DIS3: variants seen among roughly 807,000 people sequenced by gnomAD.
DIS3 encodes DIS3 exosome endoribonuclease and 3'-5' exoribonuclease.
Under a neutral mutation model 113.0 loss-of-function variants are expected in DIS3, and 103 were observed. That is an observed-to-expected ratio of 0.91 (90% CI 0.78 to 1.07). The LOEUF is 1.07. Among genes scored for constraint, DIS3 ranks in the 50% least tolerant of loss-of-function variants. The pLI, the probability that DIS3 is intolerant of heterozygous loss-of-function variation, is 0.00. For missense variants in DIS3, 1,121 were observed against 1,167.1 expected (o/e 0.96, Z 0.58); for synonymous variants, 402 against 394.3 (o/e 1.02, Z -0.23).
In DIS3 at chr13:72,753,409, A is replaced by G. The variant is rs1010625798; in HGVS notation, c.*6386T>C. Reference sequence around the variant, plus strand: ...TTTTTGTCTACTAGGTACGATCACAAAATAACAGGAAAGCATTGTGTCAGT... The same window carrying G: ...TTTTTGTCTACTAGGTACGATCACAGAATAACAGGAAAGCATTGTGTCAGT... On this transcript the variant is annotated 3_prime_UTR_variant, in exon 21 of 21. Transcript: ENST00000377767. 1 of 244,990 alleles carries G rather than the reference A, an allele frequency of 4.1e-6. No individual in the cohort carries two copies. Among genetic ancestry groups the G allele is most frequent in the African/African-American group, 2.3e-5 (1 of 44,418 alleles). 15.2% of individuals were successfully genotyped at this position (244,990 alleles called of 1,614,324 possible).
intron 14 of DIS3, among the ~76,000 whole-genome samples, chr13:72,766,321 G>C (rs767897980): frequency 2.0e-5 from 3 of 152,196 alleles, no homozygotes; most frequent in Non-Finnish European, 4.4e-5. Flanking sequence ...CTGTGCTTCT[G>C]AGGGTTATAT....
intron 1 of DIS3, 154 bp downstream of exon 1, chr13:72,781,451 G>C: frequency 6.8e-7 from 1 of 1,468,182 alleles, no homozygotes; most frequent in South Asian, 1.3e-5. Context: ...AAAGAACCTC[G>C]GCCTGGGGAA....
Position 72,780,718 on chromosome 13 carries a change from T to A in DIS3, c.386+128A>T, listed in dbSNP as rs1183438004. 3 of 933,762 alleles carry A rather than the reference T, an allele frequency of 3.2e-6. No homozygotes were observed. In the African/African-American group the frequency reaches 5.0e-5, roughly 16 times the overall value. 57.8% of individuals were successfully genotyped at this position (933,762 alleles called of 1,614,324 possible). ...TAGCATTATCTTCTGCACAGCCATG[T>A]AAGAATTAAATAAGGTATGAAATCT... On this transcript the variant is annotated intron_variant, in intron 2 of 20. Coordinates refer to ENST00000377767, the MANE Select transcript of DIS3 (RefSeq NM_014953.5).
At position 72,759,578 on chromosome 13, in the gene DIS3, T is replaced by C. The variant is rs921318613; in HGVS notation, c.*217A>G. The C allele has an allele frequency of 1.3e-5, 6 of 450,910 alleles. No homozygotes were observed. The highest frequency in any genetic ancestry group is 2.0e-5 in the Non-Finnish European group (5 of 252,376). The allele number at this position is 450,910 out of a possible 1,614,324, so 27.9% of individuals were successfully genotyped here. On this transcript the variant is annotated 3_prime_UTR_variant, in exon 21 of 21. Coordinates refer to ENST00000377767, the MANE Select transcript of DIS3 (RefSeq NM_014953.5). Reference sequence around the variant, plus strand: ...CTGTATTTAAGTGATGGATATTCAATTGAATTATTCTGCATAAATAATTCT... The same window carrying C: ...CTGTATTTAAGTGATGGATATTCAACTGAATTATTCTGCATAAATAATTCT...
rs766989989 is a variant in DIS3, at chr13:72,766,062, C to T, written c.1884-4G>A. The T allele has an allele frequency of 4.6e-5, 73 of 1,588,954 alleles. No individual in the cohort carries two copies. The highest frequency in any genetic ancestry group is 1.7e-4 in the Middle Eastern group (1 of 5,994). On this transcript the variant is annotated splice_region_variant and splice_polypyrimidine_tract_variant and intron_variant, in intron 14 of 20. Transcript: ENST00000377767. ...AGGAGAGGATAGAGTCAAAGCCCTA[C>T]ATAAAAATTAAAGAGAAAAATTATA...
intron 14 of DIS3, among the ~76,000 whole-genome samples, chr13:72,768,207 A>G (rs1196968610): frequency 6.6e-6 from 1 of 152,246 alleles, no homozygotes; most frequent in Non-Finnish European, 1.5e-5. Context: ...AATTAAAATT[A>G]GAAACAATTT....
At chr13:72,777,149 T>C (rs1455918970) in intron 4 of DIS3, among the ~76,000 whole-genome samples, 1 of 152,228 alleles carries the variant, frequency 6.6e-6, no homozygotes. Context: ...AAATCAGCCA[T>C]GGACTCCGTT....
intron 15 of DIS3, among the ~76,000 whole-genome samples, chr13:72,764,127 G>C (rs1206609343): frequency 6.6e-6 from 1 of 152,076 alleles, no homozygotes; most frequent in Non-Finnish European, 1.5e-5. Context: ...ACTCCAGGCT[G>C]GGTGACAGAG....
In DIS3 at chr13:72,766,074, A is replaced by T; in HGVS notation, c.1884-16T>A. 3 of 1,580,992 alleles carry T rather than the reference A, an allele frequency of 1.9e-6. No homozygotes were observed. The highest frequency in any genetic ancestry group is 2.6e-6 in the Non-Finnish European group (3 of 1,165,744). On this transcript the variant is annotated splice_polypyrimidine_tract_variant and intron_variant, in intron 14 of 20. Coordinates refer to ENST00000377767, the MANE Select transcript of DIS3 (RefSeq NM_014953.5). ...AGTCAAAGCCCTACATAAAAATTAA[A>T]GAGAAAAATTATAGTCAAGCAAGCC...
chr13:72,773,624 A>G, intron 8 of DIS3, 60 bp downstream of exon 8: 1 of 1,533,220 alleles, frequency 6.5e-7, no homozygotes, highest in South Asian at 1.3e-5. Flanking sequence ...TAAAAGCAGA[A>G]ATACTATTCA....
At chr13:72,777,367 C>A in intron 4 of DIS3, 53 bp downstream of exon 4, 2 of 1,558,478 alleles carry the variant, frequency 1.3e-6, no homozygotes, top group Non-Finnish European at 1.8e-6. Flanking sequence ...GCCTAATATT[C>A]CAAAGTGGCT....
At chr13:72,772,955 A>T in intron 8 of DIS3, 116 bp from the exon 9 acceptor site, 1 of 1,202,668 alleles carries the variant, frequency 8.3e-7, no homozygotes, top group South Asian at 2.0e-5. Flanking sequence ...TCCCATAACG[A>T]TTTCTGAAAA....
At position 72,759,664 on chromosome 13, in the gene DIS3, G is replaced by GCAGATGT; in HGVS notation, c.*124_*130dup. 1.5e-6 allele frequency: 1 copy of GCAGATGT among 661,546 alleles called. No homozygotes were observed. The highest frequency in any genetic ancestry group is 2.6e-6 in the Non-Finnish European group (1 of 392,056). The allele number at this position is 661,546 out of a possible 1,614,324, so 41.0% of individuals were successfully genotyped here. A position where few individuals can be genotyped will look rare whatever the true frequency, so the allele number is the denominator to read the frequency against. On this transcript the variant is annotated 3_prime_UTR_variant, in exon 21 of 21. Coordinates refer to ENST00000377767, the MANE Select transcript of DIS3 (RefSeq NM_014953.5). Reference sequence around the variant, plus strand: ...ATACAGTCAACTGTTCAATAAAAATGCAGATGTCTGAAATTATTAAAATGT... The same window carrying GCAGATGT: ...ATACAGTCAACTGTTCAATAAAAATGCAGATGTCAGATGTCTGAAATTATTAAAATGT...
rs201534128 is a variant in DIS3, at chr13:72,772,704, T to C, written c.1375A>G (p.Ile459Val). The change falls in exon 9 of 21, where the codon ATT (isoleucine) becomes GTT (valine). Residue 459 changes from isoleucine to valine, a missense_variant. Transcript: ENST00000377767. ...TACTTTCAACTTACCTTTTCAGTAA[T>C]GCTCCAGGGCATCTTTGGCAGAAAA... is the stretch of plus-strand genomic sequence containing the variant. ...LSFLPKMPWS[I>V]TEKDMKNRED... 2.3e-5 allele frequency: 37 copies of C among 1,607,712 alleles called. No homozygotes were observed. The highest frequency in any genetic ancestry group is 2.9e-5 in the Non-Finnish European group (34 of 1,178,448).
At position 72,766,187 on chromosome 13, in the gene DIS3, T is replaced by C. The variant is rs143815193; in HGVS notation, c.1884-129A>G. On this transcript the variant is annotated intron_variant, in intron 14 of 20. Transcript: ENST00000377767. ...AATAGTTGCTCTTCTGAAGGCTTTA[T>C]GACCATCTGCTGTTTCATGTTCTAT... 3.7e-3 allele frequency: 2,409 copies of C among 643,822 alleles called. 9 individuals are homozygous for C. Among genetic ancestry groups the C allele is most frequent in the Non-Finnish European group, 4.0e-3 (1,595 of 403,184 alleles). The allele number at this position is 643,822 out of a possible 1,614,324, so 39.9% of individuals were successfully genotyped here. A position where few individuals can be genotyped will look rare whatever the true frequency, so the allele number is the denominator to read the frequency against.
intron 18 of DIS3, 44 bp from the exon 19 acceptor site, chr13:72,761,565 T>G (rs1224065995): frequency 6.6e-7 from 1 of 1,525,904 alleles, no homozygotes; most frequent in East Asian, 2.4e-5. Flanking sequence ...TTAAAAATTT[T>G]TAAATAAACA....
At chr13:72,781,192 G>C (rs2034198236) in intron 1 of DIS3, 189 bp from the exon 2 acceptor site, 6 of 1,464,964 alleles carry the variant, frequency 4.1e-6, no homozygotes. Context: ...ATTAAAAAAA[G>C]CACACTTAAA....
chr13:72,765,378 A>G (rs952351508), intron 15 of DIS3, among the ~76,000 whole-genome samples: 1 of 152,126 alleles, frequency 6.6e-6, no homozygotes, highest in African/African-American at 2.4e-5. Context: ...CTACCCTACT[A>G]TCTATCCTAC....
rs1481902388 is a variant in DIS3 at position 72,780,067 on chromosome 13, C to T, written c.386+779G>A. 5.3e-5 allele frequency among the ~76,000 whole-genome samples: 8 copies of T among 151,996 alleles called. No homozygotes were observed. In the East Asian group the frequency reaches 5.8e-4, roughly 11 times the overall value. ...TCCTGGCCAGGCACGGTAGCTCATG[C>T]CTGTAATCCCACCACTTTGAGAGGC... On this transcript the variant is annotated intron_variant, in intron 2 of 20. Coordinates refer to ENST00000377767, the MANE Select transcript of DIS3 (RefSeq NM_014953.5).
Sources: gnomAD v4.1 joint callset for allele counts (sites outside exome capture counted in the v4.1 genomes callset) on GRCh38, gnomAD v4.1.1 for gene constraint, MANE v1.5 for transcripts, NCBI Gene and HGNC (gene_info 2026-07-23, HGNC 2026-07-21) for gene names.